TEX14: variants seen among roughly 807,000 people sequenced by gnomAD.
TEX14 encodes inactive serine/threonine-protein kinase TEX14.
TEX14 carries 168 observed loss-of-function variants against 178.6 expected under a neutral mutation model. The observed-to-expected ratio is 0.94, with a 90% CI of 0.83 to 1.07. The LOEUF is 1.07. Among genes scored for constraint, TEX14 ranks in the 50% least tolerant of loss-of-function variants. The probability of loss-of-function intolerance (pLI) is 0.00; values close to 1 mark genes in which losing one functional copy is unlikely to be tolerated. For missense variants in TEX14, 1,730 were observed against 1,753.6 expected (o/e 0.99, Z 0.24); for synonymous variants, 626 against 634.1 (o/e 0.99, Z 0.19).
intron 1 of TEX14, among the ~76,000 whole-genome samples, chr17:58,678,696 G>T (rs769458716): frequency 1.3e-5 from 2 of 151,918 alleles, no homozygotes; most frequent in Non-Finnish European, 2.9e-5. Context: ...AACGGGGAGG[G>T]ATAGCATTAG....
At chr17:58,632,660 G>A (rs1290141620) in intron 2 of TEX14, among the ~76,000 whole-genome samples, 1 of 152,146 alleles carries the variant, frequency 6.6e-6, no homozygotes, top group East Asian at 1.9e-4. Context: ...GCCTGCAAAC[G>A]TAACCGCACA....
chr17:58,661,695 C>A, intron 1 of TEX14: 1 of 594,898 alleles, frequency 1.7e-6, no homozygotes, highest in South Asian at 2.1e-5. Context: ...GAATCGGGCG[C>A]TGCACGGCAG....
chr17:58,658,954 G>T (rs780671816), intron 1 of TEX14, among the ~76,000 whole-genome samples: 17 of 151,658 alleles, frequency 1.1e-4, no homozygotes, highest in Non-Finnish European at 1.9e-4. Flanking sequence ...TACCACATCA[G>T]TCTGGCTTAT....
chr17:58,556,870 C>A lies in TEX14; in HGVS notation c.*141G>T. ...AACAGAGAGGGCCAAACGATGATGT[C>A]TATTGTGGCAGCTGAACAAAGTGAG... is the stretch of plus-strand genomic sequence containing the variant. On this transcript the variant is annotated 3_prime_UTR_variant, in exon 32 of 32. Transcript: ENST00000349033. 1.4e-6 allele frequency: 1 copy of A among 710,228 alleles called. No homozygotes were observed. The highest frequency in any genetic ancestry group is 2.5e-6 in the Non-Finnish European group (1 of 392,534). 44.0% of individuals were successfully genotyped at this position (710,228 alleles called of 1,614,324 possible).
At chr17:58,573,638 C>T (rs952421345) in intron 22 of TEX14, among the ~76,000 whole-genome samples, 10 of 152,232 alleles carry the variant, frequency 6.6e-5, no homozygotes, top group Admixed American at 3.3e-4. Context: ...CCTGCCTCAG[C>T]CTCCTGGGTA....
intron 14 of TEX14, among the ~76,000 whole-genome samples, chr17:58,598,500 A>C (rs437732): frequency 0.64 from 96,760 of 151,960 alleles, 31,181 homozygotes; most frequent in African/African-American, 0.71. Flanking sequence ...AATAAAACAG[A>C]AATTTAATAT....
intron 3 of TEX14, among the ~76,000 whole-genome samples, chr17:58,627,328 T>G: frequency 6.6e-6 from 1 of 152,218 alleles, no homozygotes; most frequent in Non-Finnish European, 1.5e-5. Flanking sequence ...AATGTTTCAA[T>G]TTTTATCTGT....
At chr17:58,588,958 T>C (rs926242322) in intron 15 of TEX14, among the ~76,000 whole-genome samples, 2 of 152,168 alleles carry the variant, frequency 1.3e-5, no homozygotes, top group Non-Finnish European at 2.9e-5. Context: ...CATTTTATCA[T>C]CTATTCAATT....
At chr17:58,689,500 T>A (rs1411281497) in intron 1 of TEX14, among the ~76,000 whole-genome samples, 2 of 152,154 alleles carry the variant, frequency 1.3e-5, no homozygotes, top group African/African-American at 4.8e-5. Context: ...ATTACAGGAG[T>A]GAGCCACCGT....
At chr17:58,606,865 T>TA (rs1424679486) in intron 10 of TEX14, among the ~76,000 whole-genome samples, 2 of 151,448 alleles carry the variant, frequency 1.3e-5, no homozygotes, top group Non-Finnish European at 2.9e-5. Context: ...CCATCTCTAC[T>TA]AAAAACACAA....
chr17:58,665,858 C>G (rs2047193925), intron 1 of TEX14, among the ~76,000 whole-genome samples: 1 of 151,928 alleles, frequency 6.6e-6, no homozygotes, highest in Non-Finnish European at 1.5e-5. Context: ...CCGGCCTGAC[C>G]AACGTAGTGA....
chr17:58,654,931 G>GT (rs1909292373), intron 1 of TEX14, among the ~76,000 whole-genome samples: 1 of 151,944 alleles, frequency 6.6e-6, no homozygotes, highest in Admixed American at 6.6e-5. Flanking sequence ...GATTATAGGC[G>GT]TGAGTCACCG....
At chr17:58,681,130 G>A (rs1350747379) in intron 1 of TEX14, among the ~76,000 whole-genome samples, 1 of 151,922 alleles carries the variant, frequency 6.6e-6, no homozygotes, top group Non-Finnish European at 1.5e-5. Context: ...AAATAAATTA[G>A]CCGGGCATGC....
chr17:58,598,924 C>T lies in TEX14; in HGVS notation c.2421G>A (p.Lys807=). The T allele has an allele frequency of 6.2e-7, 1 of 1,613,858 alleles. No homozygotes were observed. Residue 807 remains lysine (K), a synonymous_variant, in exon 14 of 32, where the codon AAG becomes AAA. Coordinates refer to ENST00000349033, the MANE Select transcript of TEX14 (RefSeq NM_031272.5). ...TTGGGTAGTTGCCACTGGTGTCTGGCTTCTGACCCCCTGAAAGCTGTAGGA... is the reference window on the plus strand; with the variant it reads ...TTGGGTAGTTGCCACTGGTGTCTGGTTTCTGACCCCCTGAAAGCTGTAGGA... The part of the protein sequence containing the change: ...PPVLQLSGGQ[K]PDTSGNYPTL...
intron 29 of TEX14, among the ~76,000 whole-genome samples, chr17:58,560,134 T>C (rs989010540): frequency 6.6e-6 from 1 of 152,150 alleles, no homozygotes; most frequent in Admixed American, 6.5e-5. Context: ...AGCCATCTTA[T>C]CCCTCTTTGT....
At chr17:58,614,665 CAGA>C (rs1277167364) in intron 8 of TEX14, among the ~76,000 whole-genome samples, 1 of 152,216 alleles carries the variant, frequency 6.6e-6, no homozygotes, top group Non-Finnish European at 1.5e-5. Flanking sequence ...ATGCCTCCTG[CAGA>C]AGTTGAGGAG....
chr17:58,612,888 G>A (rs1283145340), intron 9 of TEX14, among the ~76,000 whole-genome samples: 1 of 151,754 alleles, frequency 6.6e-6, no homozygotes, highest in Admixed American at 6.6e-5. Flanking sequence ...CTGGGCAATA[G>A]AGCAAGACCC....
At chr17:58,574,433 T>C (rs1048803253) in intron 21 of TEX14, among the ~76,000 whole-genome samples, 184 bp from the exon 22 acceptor site, 4 of 152,036 alleles carry the variant, frequency 2.6e-5, no homozygotes, top group African/African-American at 9.7e-5. Context: ...ATCCCAGCAC[T>C]TTGGGAGGCC....
At chr17:58,601,166 G>A (rs373743642) in intron 13 of TEX14, among the ~76,000 whole-genome samples, 2 of 151,866 alleles carry the variant, frequency 1.3e-5, no homozygotes, top group Non-Finnish European at 2.9e-5. Context: ...TGGGAGGATT[G>A]CTTGAGTTCA....
Sources: allele counts gnomAD v4.1 joint callset (sites outside exome capture counted in the v4.1 genomes callset), GRCh38; gene constraint gnomAD v4.1.1; transcripts MANE v1.5; gene names NCBI Gene and HGNC (gene_info 2026-07-23, HGNC 2026-07-21).